Variants in ANKRD27 observed in about 807,000 individuals in gnomAD.
ANKRD27 encodes ankyrin repeat domain 27.
ANKRD27 carries 112 observed loss-of-function variants against 129.7 expected under a neutral mutation model. The observed-to-expected ratio is 0.86, with a 90% CI of 0.74 to 1.01. The LOEUF is 1.01. Ranked by LOEUF, ANKRD27 falls within the 50% of genes least tolerant of loss-of-function variation. The probability of loss-of-function intolerance (pLI) is 0.00; values close to 1 mark genes in which losing one functional copy is unlikely to be tolerated. For synonymous variants in ANKRD27, 516 were observed against 511.2 expected, an observed-to-expected ratio of 1.01 and a Z score of -0.13; for missense variants, 1,258 against 1,300.5, an observed-to-expected ratio of 0.97 and a Z score of 0.50.
chr19:32,674,336 T>C (rs1967935512), intron 1 of ANKRD27, among the ~76,000 whole-genome samples: 1 of 152,080 alleles, frequency 6.6e-6, no homozygotes, highest in African/African-American at 2.4e-5. Context: ...GCAGCCCTCG[T>C]TCCCTGCATG....
chr19:32,637,446 T>C (rs1262190377), intron 12 of ANKRD27: 3 of 152,112 alleles, frequency 2.0e-5, no homozygotes, highest in Non-Finnish European at 4.4e-5. Flanking sequence ...CAATGCTCAA[T>C]AAAAACCAAG....
chr19:32,610,483 TAAA>T (rs35230573), intron 22 of ANKRD27, among the ~76,000 whole-genome samples: 57 of 107,446 alleles, frequency 5.3e-4, no homozygotes, highest in African/African-American at 6.6e-4. Flanking sequence ...AGACCGTCTC[TAAA>T]AAAAAAAAAA....
rs537389174 is a variant in ANKRD27 at position 32,613,790 on chromosome 19, G to C, written c.2175+1868C>G. On this transcript the variant is annotated intron_variant, in intron 22 of 28. Transcript: ENST00000306065. ...GTGGCACAATCTCGGCTCACTGCAAGCCCTGCCTCCCGGGTTCACGCCATT... is the reference window on the plus strand; with the variant it reads ...GTGGCACAATCTCGGCTCACTGCAACCCCTGCCTCCCGGGTTCACGCCATT... Among the ~76,000 whole-genome samples, 760 of 148,144 alleles carry C rather than the reference G, an allele frequency of 5.1e-3. 5 individuals carry two copies. The highest frequency in any genetic ancestry group is 8.1e-3 in the Non-Finnish European group (548 of 67,578).
At chr19:32,659,982 G>A (rs762035131) in intron 1 of ANKRD27, among the ~76,000 whole-genome samples, 10 of 152,154 alleles carry the variant, frequency 6.6e-5, no homozygotes, top group Admixed American at 1.3e-4. Flanking sequence ...CAATTATCTG[G>A]GTATGGTGGC....
chr19:32,623,382 T>C (rs1308099254), intron 17 of ANKRD27, among the ~76,000 whole-genome samples: 1 of 152,126 alleles, frequency 6.6e-6, no homozygotes. Context: ...GAGTATGGCA[T>C]TTTGGTACAT....
At chr19:32,619,185 C>T (rs573966329) in intron 20 of ANKRD27, 75 bp downstream of exon 20, 16 of 1,537,330 alleles carry the variant, frequency 1.0e-5, no homozygotes, top group East Asian at 2.3e-5. Flanking sequence ...TGTCAGGCCA[C>T]GGCTCTTCAG....
At chr19:32,661,220 T>TACAC (rs71176143) in intron 1 of ANKRD27, among the ~76,000 whole-genome samples, 5,330 of 43,438 alleles carry the variant, frequency 0.12, 128 homozygotes, top group Middle Eastern at 0.26. Context: ...AAAAAAATTA[T>TACAC]ACACACACAC....
At chr19:32,605,640 C>T (rs532024608) in intron 24 of ANKRD27, among the ~76,000 whole-genome samples, 195 bp downstream of exon 24, 2 of 152,350 alleles carry the variant, frequency 1.3e-5, no homozygotes, top group East Asian at 1.9e-4. Flanking sequence ...GACCGCATCC[C>T]AGATGCTGGG....
At chr19:32,672,416 T>A (rs1054724303) in intron 1 of ANKRD27, among the ~76,000 whole-genome samples, 1 of 152,172 alleles carries the variant, frequency 6.6e-6, no homozygotes, top group Non-Finnish European at 1.5e-5. Context: ...CCTGGTTCCC[T>A]GCAGAGATGG....
intron 23 of ANKRD27, 114 bp downstream of exon 23, chr19:32,607,521 G>T: frequency 1.6e-6 from 2 of 1,281,294 alleles, no homozygotes; most frequent in Non-Finnish European, 1.1e-6. Flanking sequence ...TCAGGGCTCG[G>T]GGGAGCAGTG....
At chr19:32,646,654 G>A (rs1453716220) in intron 3 of ANKRD27, 39 bp from the exon 4 acceptor site, 5 of 1,598,608 alleles carry the variant, frequency 3.1e-6, no homozygotes, top group East Asian at 2.2e-5. Context: ...AGCAGCCGGG[G>A]CAACCACATC....
At chr19:32,617,422 C>A (rs940552315) in intron 21 of ANKRD27, among the ~76,000 whole-genome samples, 167 bp downstream of exon 21, 1 of 152,130 alleles carries the variant, frequency 6.6e-6, no homozygotes, top group African/African-American at 2.4e-5. Context: ...CCGCGCACAA[C>A]TGTGGTCCCA....
chr19:32,632,333 C>T (rs1486609690), intron 12 of ANKRD27, among the ~76,000 whole-genome samples: 8 of 150,922 alleles, frequency 5.3e-5, no homozygotes. Flanking sequence ...TGCCTGTAAC[C>T]CCAGCACTTT....
chr19:32,664,055 CAAAA>C (rs869264224), intron 1 of ANKRD27, among the ~76,000 whole-genome samples: 1 of 31,424 alleles, frequency 3.2e-5, no homozygotes, highest in African/African-American at 1.0e-4. Flanking sequence ...GACTCTGTCT[CAAAA>C]AAAAAAAAAA....
intron 9 of ANKRD27, 145 bp from the exon 10 acceptor site, chr19:32,642,290 G>A (rs1739887700): frequency 9.2e-6 from 7 of 762,532 alleles, no homozygotes; most frequent in Admixed American, 3.9e-5. Context: ...GAAGTCATCT[G>A]ACTCAAGTCA....
intron 10 of ANKRD27, among the ~76,000 whole-genome samples, chr19:32,641,043 T>C (rs1435264708): frequency 6.6e-6 from 1 of 151,864 alleles, no homozygotes; most frequent in Non-Finnish European, 1.5e-5. Context: ...GGACTACAGG[T>C]GCCCGCCACC....
At chr19:32,656,110 A>AG (rs1568417825) in intron 2 of ANKRD27, among the ~76,000 whole-genome samples, 60 of 115,196 alleles carry the variant, frequency 5.2e-4, no homozygotes, top group African/African-American at 2.0e-3. Flanking sequence ...AAAGAAAGAA[A>AG]AGAAAAGAAA....
chr19:32,604,844 G>A (rs8108899), intron 24 of ANKRD27, among the ~76,000 whole-genome samples: 29,046 of 151,848 alleles, frequency 0.19, 3,457 homozygotes, highest in East Asian at 0.33. Flanking sequence ...GATCACCTGA[G>A]GTCAGGAGTT....
chr19:32,660,807 C>T (rs894993978), intron 1 of ANKRD27, among the ~76,000 whole-genome samples: 7 of 152,072 alleles, frequency 4.6e-5, no homozygotes, highest in African/African-American at 1.7e-4. Context: ...AAATTTCTTT[C>T]GGTTATGTAA....
Sources: gnomAD v4.1 joint callset for allele counts (sites outside exome capture counted in the v4.1 genomes callset) on GRCh38, gnomAD v4.1.1 for gene constraint, MANE v1.5 for transcripts, NCBI Gene and HGNC (gene_info 2026-07-23, HGNC 2026-07-21) for gene names.